The following GSR variants were observed in gnomAD, a reference collection of about 807,000 sequenced individuals.
GSR encodes the protein glutathione reductase, mitochondrial.
In GSR, 48 loss-of-function variants were observed where a neutral mutation model predicts 56.5. The observed-to-expected ratio is 0.85, with a 90% CI of 0.67 to 1.08. The LOEUF is 1.08. Among genes scored for constraint, GSR ranks in the 50% least tolerant of loss-of-function variants. The pLI, the probability that GSR is intolerant of heterozygous loss-of-function variation, is 0.00. For synonymous variants in GSR, 264 were observed against 270.8 expected (o/e 0.97, Z 0.25); for missense variants, 694 against 703.3 (o/e 0.99, Z 0.15).
chr8:30,722,905 T>C (rs903462786), intron 1 of GSR, among the ~76,000 whole-genome samples: 1 of 152,210 alleles, frequency 6.6e-6, no homozygotes, highest in Admixed American at 6.5e-5. Flanking sequence ...TGCTGTTCAC[T>C]GATCTTTCAA....
At chr8:30,680,516 T>C (rs1802914178) in intron 12 of GSR, among the ~76,000 whole-genome samples, 1 of 147,342 alleles carries the variant, frequency 6.8e-6, no homozygotes. Context: ...TGCCTCAGCC[T>C]CCCGAGTAGC....
chr8:30,690,374 G>GC (rs1174356770), intron 8 of GSR, among the ~76,000 whole-genome samples: 1 of 151,878 alleles, frequency 6.6e-6, no homozygotes, highest in Non-Finnish European at 1.5e-5. Flanking sequence ...TGCCCAGGCT[G>GC]GTCTCTAACT....
chr8:30,689,971 T>C (rs1803313931), intron 8 of GSR, among the ~76,000 whole-genome samples: 1 of 132,228 alleles, frequency 7.6e-6, no homozygotes, highest in African/African-American at 2.8e-5. Context: ...TTATTTATTA[T>C]ATATATAAAT....
At chr8:30,711,376 G>T (rs1804136739) in intron 2 of GSR, among the ~76,000 whole-genome samples, 1 of 152,124 alleles carries the variant, frequency 6.6e-6, no homozygotes, top group South Asian at 2.1e-4. Flanking sequence ...TAAAAAAAAT[G>T]AATTCATTCA....
chr8:30,680,381 G>GTTTTGT lies in GSR; in HGVS notation c.1419+522_1419+523insACAAAA, dbSNP rs1480095900. On this transcript the variant is annotated intron_variant, in intron 12 of 12. Coordinates refer to ENST00000221130, the MANE Select transcript of GSR (RefSeq NM_000637.5). ...ACAGCGCCTGGCCCTGGCCTCTCCTGTTTTTTTTTTTTTTTTTTTTTTTTT... is the reference window on the plus strand; with the variant it reads ...ACAGCGCCTGGCCCTGGCCTCTCCTGTTTTGTTTTTTTTTTTTTTTTTTTTTTTTTT... Among the ~76,000 whole-genome samples the GTTTTGT allele has an allele frequency of 6.9e-4, 23 of 33,372 alleles. 1 individual carries two copies. Among genetic ancestry groups the GTTTTGT allele is most frequent in the East Asian group, 1.5e-3 (1 of 654 alleles). The allele number at this position is 33,372 out of a possible 152,430, so 21.9% of individuals were successfully genotyped here.
intron 1 of GSR, among the ~76,000 whole-genome samples, chr8:30,717,902 C>G (rs1804392128): frequency 6.6e-6 from 1 of 151,880 alleles, no homozygotes; most frequent in Admixed American, 6.6e-5. Flanking sequence ...GAGTTCAAGA[C>G]CAGCCTGGCC....
chr8:30,703,702 G>A (rs1313393728), intron 4 of GSR, among the ~76,000 whole-genome samples: 1 of 151,188 alleles, frequency 6.6e-6, no homozygotes, highest in African/African-American at 2.4e-5. Flanking sequence ...AGCTGAGATG[G>A]CACCACTGCA....
At chr8:30,723,932 C>T (rs887893471) in intron 1 of GSR, among the ~76,000 whole-genome samples, 1 of 152,156 alleles carries the variant, frequency 6.6e-6, no homozygotes, top group African/African-American at 2.4e-5. Flanking sequence ...GAAAAACCAA[C>T]CAATCTCACT....
In GSR at chr8:30,684,161, G is replaced by A. The variant is rs545660556; in HGVS notation, c.1080C>T (p.Asp360=). 169 of 1,608,604 alleles carry A rather than the reference G, an allele frequency of 1.1e-4. No individual in the cohort carries two copies. The East Asian group carries it at 2.9e-3, about 28-fold the overall frequency. The change falls in exon 10 of 13, where the codon GAC becomes GAT. Residue 360 remains aspartate (D), a synonymous_variant. Coordinates refer to ENST00000221130, the MANE Select transcript of GSR (RefSeq NM_000637.5). ...QTDDKGHIIV[D]EFQNTNVKGI... is the part of the protein sequence containing the mutation. ...CTTTGACGTTGGTATTCTGGAATTC[G>A]TCTACGATGATATGACCCTTGTCAT...
intron 1 of GSR, among the ~76,000 whole-genome samples, chr8:30,715,805 T>A (rs1163656801): frequency 6.6e-6 from 1 of 152,262 alleles, no homozygotes; most frequent in Admixed American, 6.5e-5. Context: ...TACTCTCACA[T>A]ACCATCAGTT....
In GSR at chr8:30,689,241, T is replaced by C; in HGVS notation, c.961A>G (p.Thr321Ala). 6.2e-7 allele frequency: 1 copy of C among 1,613,932 alleles called. No individual in the cohort carries two copies. The highest frequency in any genetic ancestry group is 8.5e-7 in the Non-Finnish European group (1 of 1,179,822). ...TAVPGRLPVMTMIPDVDCLLW... is the reference protein window; with the variant it reads ...TAVPGRLPVMAMIPDVDCLLW... Reference sequence around the variant, plus strand: ...AGGCAGTCAACATCTGGAATCATGGTCATGACTGGTAGCCTACCGGGAACT... The same window carrying C: ...AGGCAGTCAACATCTGGAATCATGGCCATGACTGGTAGCCTACCGGGAACT... Residue 321 changes from threonine to alanine, a missense_variant, in exon 9 of 13, where the codon ACC becomes GCC. Physicochemically the swap from Thr to Ala is moderately conservative, Grantham distance 58 (BLOSUM62 0). Coordinates refer to ENST00000221130, the MANE Select transcript of GSR (RefSeq NM_000637.5).
At chr8:30,726,284 A>ATAAGGTGATAAG (rs1804721082) in intron 1 of GSR, among the ~76,000 whole-genome samples, 5 of 152,178 alleles carry the variant, frequency 3.3e-5, no homozygotes, top group Non-Finnish European at 5.9e-5. Context: ...AGACACACAA[A>ATAAGGTGATAAG]CACAGAAGCC....
chr8:30,716,329 C>T (rs1318799866), intron 1 of GSR, among the ~76,000 whole-genome samples: 1 of 152,194 alleles, frequency 6.6e-6, no homozygotes, highest in Non-Finnish European at 1.5e-5. Context: ...AGAAGCTGCG[C>T]CCCAGCACAA....
At chr8:30,715,907 AAT>A (rs1804317926) in intron 1 of GSR, among the ~76,000 whole-genome samples, 1 of 152,338 alleles carries the variant, frequency 6.6e-6, no homozygotes, top group East Asian at 1.9e-4. Flanking sequence ...GTTTTTAAAA[AAT>A]ATGTTTAATT....
At chr8:30,719,337 C>T (rs958199598) in intron 1 of GSR, among the ~76,000 whole-genome samples, 4 of 151,486 alleles carry the variant, frequency 2.6e-5, no homozygotes, top group South Asian at 2.1e-4. Flanking sequence ...AGGATGGTGT[C>T]GATCTACTGA....
At chr8:30,719,088 C>G (rs531236065) in intron 1 of GSR, among the ~76,000 whole-genome samples, 1 of 144,890 alleles carries the variant, frequency 6.9e-6, no homozygotes, top group East Asian at 2.1e-4. Context: ...CGCCACCACG[C>G]CCAGCTAATT....
chr8:30,710,822 T>G (rs1804117033), intron 2 of GSR, among the ~76,000 whole-genome samples: 1 of 148,916 alleles, frequency 6.7e-6, no homozygotes, highest in Non-Finnish European at 1.5e-5. Flanking sequence ...AAGGAATAAG[T>G]AAATATGAGA....
In GSR at chr8:30,679,425, A is replaced by G. The variant is rs1802863595; in HGVS notation, c.*95T>C. Reference sequence around the variant, plus strand: ...CAGAAGATCCTGATTAAAATAAAGAAATACATAAAACTCAAACAGTAAGTC... The same window carrying G: ...CAGAAGATCCTGATTAAAATAAAGAGATACATAAAACTCAAACAGTAAGTC... On this transcript the variant is annotated 3_prime_UTR_variant, in exon 13 of 13. Coordinates refer to ENST00000221130, the MANE Select transcript of GSR (RefSeq NM_000637.5). 3.3e-6 allele frequency: 4 copies of G among 1,210,746 alleles called. No individual in the cohort carries two copies. Among genetic ancestry groups the G allele is most frequent in the Non-Finnish European group, 4.8e-6 (4 of 831,026 alleles). The allele number at this position is 1,210,746 out of a possible 1,614,324, so 75.0% of individuals were successfully genotyped here. A position where few individuals can be genotyped will look rare whatever the true frequency, so the allele number is the denominator to read the frequency against.
chr8:30,694,897 C>CA (rs780570686), intron 7 of GSR, among the ~76,000 whole-genome samples: 27,592 of 99,902 alleles, frequency 0.28, 3,947 homozygotes, highest in African/African-American at 0.41. Context: ...GACTCTGTCT[C>CA]AAAAAAAAAA....
Sources: allele counts gnomAD v4.1 joint callset (sites outside exome capture counted in the v4.1 genomes callset), GRCh38; gene constraint gnomAD v4.1.1; transcripts MANE v1.5; gene names NCBI Gene and HGNC (gene_info 2026-07-23, HGNC 2026-07-21).